The following MALRD1 variants were observed in gnomAD, a reference collection of about 807,000 sequenced individuals.
MALRD1 encodes the protein MAM and LDL-receptor class A domain-containing protein 1.
A neutral mutation model predicts 242.1 loss-of-function variants in MALRD1; 247 were observed. The ratio of observed to expected loss-of-function variants is 1.02; its 90% CI spans 0.92 to 1.13. The LOEUF (loss-of-function observed/expected upper bound fraction) is 1.13. MALRD1 is among the 50% of genes most tolerant of loss of function. The pLI is 0.00. For synonymous variants in MALRD1, 995 were observed against 866.6 expected, an observed-to-expected ratio of 1.15 and a Z score of -2.60; for missense variants, 2,989 against 2,533.1, an observed-to-expected ratio of 1.18 and a Z score of -3.86.
chr10:19,443,417 T>C (rs531431023), intron 28 of MALRD1, among the ~76,000 whole-genome samples: 1 of 152,310 alleles, frequency 6.6e-6, no homozygotes, highest in Non-Finnish European at 1.5e-5. Context: ...AATGTTAGGG[T>C]GTCAATTTTA....
intron 14 of MALRD1, among the ~76,000 whole-genome samples, chr10:19,176,256 C>A (rs1835225878): frequency 6.6e-6 from 1 of 150,850 alleles, no homozygotes. Context: ...ATGGACTAAT[C>A]AAGAAAAATT....
At chr10:19,152,186 A>G (rs1376352512) in intron 11 of MALRD1, among the ~76,000 whole-genome samples, 3 of 152,194 alleles carry the variant, frequency 2.0e-5, no homozygotes, top group South Asian at 4.1e-4. Flanking sequence ...ACTCCTTGCC[A>G]TGACCAGGAA....
intron 21 of MALRD1, among the ~76,000 whole-genome samples, chr10:19,319,562 A>G (rs1842835358): frequency 6.6e-6 from 1 of 152,130 alleles, no homozygotes; most frequent in Non-Finnish European, 1.5e-5. Flanking sequence ...AAAATCTCAT[A>G]AACAAAGAGA....
At chr10:19,351,379 T>C (rs1055049170) in intron 25 of MALRD1, among the ~76,000 whole-genome samples, 44 of 152,258 alleles carry the variant, frequency 2.9e-4, no homozygotes, top group African/African-American at 1.0e-3. Context: ...TCCCTGAAAA[T>C]ACTTTTTATT....
At chr10:19,366,549 C>T (rs1845120580) in intron 26 of MALRD1, among the ~76,000 whole-genome samples, 2 of 152,098 alleles carry the variant, frequency 1.3e-5, no homozygotes, top group Admixed American at 6.6e-5. Context: ...ATGTCTGACT[C>T]CTTTATCTCA....
chr10:19,594,683 G>A (rs1248679132), intron 33 of MALRD1, among the ~76,000 whole-genome samples: 8 of 152,154 alleles, frequency 5.3e-5, no homozygotes, highest in Non-Finnish European at 1.0e-4. Flanking sequence ...GTCTTTTGCA[G>A]CAACTAGGAT....
chr10:19,616,391 A>T (rs1231707562), intron 36 of MALRD1, among the ~76,000 whole-genome samples: 1 of 152,052 alleles, frequency 6.6e-6, no homozygotes, highest in South Asian at 2.1e-4. Flanking sequence ...TAAGGTTTAG[A>T]TAAGAAATAC....
chr10:19,222,258 C>T (rs563792799), intron 18 of MALRD1, among the ~76,000 whole-genome samples: 1 of 152,082 alleles, frequency 6.6e-6, no homozygotes, highest in East Asian at 1.9e-4. Context: ...AGCCCCCTCA[C>T]CCAGACTGTT....
intron 28 of MALRD1, among the ~76,000 whole-genome samples, chr10:19,406,020 A>G (rs942781246): frequency 1.3e-5 from 2 of 152,060 alleles, no homozygotes. Flanking sequence ...TTGAATGTCA[A>G]CTCTGCCGCT....
intron 38 of MALRD1, among the ~76,000 whole-genome samples, chr10:19,704,990 A>G (rs2481933): frequency 0.39 from 59,270 of 151,706 alleles, 12,757 homozygotes; most frequent in South Asian, 0.51. Context: ...CTACAAAAAA[A>G]GAAAGAAAGG....
At chr10:19,145,460 G>A (rs1335241506) in intron 10 of MALRD1, among the ~76,000 whole-genome samples, 6 of 151,956 alleles carry the variant, frequency 3.9e-5, no homozygotes, top group South Asian at 2.1e-4. Flanking sequence ...CCTGGCCAAC[G>A]TAGTGAAACA....
intron 36 of MALRD1, among the ~76,000 whole-genome samples, chr10:19,668,830 A>C (rs1367968252): frequency 1.3e-5 from 2 of 152,212 alleles, no homozygotes; most frequent in African/African-American, 4.8e-5. Flanking sequence ...TTTAAGGGTC[A>C]ATTCAGAGGG....
chr10:19,242,716 G>A (rs1199980069), intron 18 of MALRD1, among the ~76,000 whole-genome samples: 3 of 151,684 alleles, frequency 2.0e-5, no homozygotes, highest in African/African-American at 7.3e-5. Context: ...TTTATTTAAA[G>A]CCTTTTAAAA....
chr10:19,450,350 A>G lies in MALRD1; in HGVS notation c.4889A>G (p.Asn1630Ser). 6.5e-7 allele frequency: 1 copy of G among 1,549,508 alleles called. No homozygotes were observed. The highest frequency in any genetic ancestry group is 1.2e-5 in the South Asian group (1 of 83,998). The change falls in exon 29 of 40, where the codon AAC becomes AGC. Residue 1630 changes from asparagine to serine, a missense_variant. Asn to Ser is a conservative substitution (Grantham distance 46, BLOSUM62 1). Transcript: ENST00000454679. ...LSKVWQESKQ[N>S]PGNHWQKADI... ...AAAGTATGGCAAGAAAGTAAGCAGA[A>G]CCCTGGTAATCATTGGCAAAAGGCT... is the stretch of plus-strand genomic sequence containing the variant.
intron 36 of MALRD1, among the ~76,000 whole-genome samples, chr10:19,656,954 C>T (rs1000102833): frequency 6.6e-6 from 1 of 152,136 alleles, no homozygotes; most frequent in African/African-American, 2.4e-5. Context: ...TTTAGAGGAT[C>T]TAAGAGCATA....
chr10:19,109,304 C>A (rs1037692507), intron 5 of MALRD1, among the ~76,000 whole-genome samples: 1 of 152,064 alleles, frequency 6.6e-6, no homozygotes, highest in Non-Finnish European at 1.5e-5. Flanking sequence ...AAGTGTTGGG[C>A]TGTTTCGTGT....
At chr10:19,645,456 T>C (rs1405502137) in intron 36 of MALRD1, among the ~76,000 whole-genome samples, 3 of 152,140 alleles carry the variant, frequency 2.0e-5, no homozygotes, top group African/African-American at 7.2e-5. Flanking sequence ...CTATTCACAA[T>C]AGCAAAGACT....
At chr10:19,176,723 G>A (rs1211522104) in intron 14 of MALRD1, among the ~76,000 whole-genome samples, 11 of 152,100 alleles carry the variant, frequency 7.2e-5, no homozygotes, top group Non-Finnish European at 1.5e-5. Context: ...TATTCAGAAT[G>A]TGTATCCTGC....
At chr10:19,200,645 G>GT (rs71387053) in intron 14 of MALRD1, among the ~76,000 whole-genome samples, 6,918 of 69,388 alleles carry the variant, frequency 0.1, 1,132 homozygotes, top group Non-Finnish European at 0.12. Context: ...CCTGCTTGAG[G>GT]TTTTTTTTTT....
Sources: allele counts gnomAD v4.1 joint callset (sites outside exome capture counted in the v4.1 genomes callset), GRCh38; gene constraint gnomAD v4.1.1; transcripts MANE v1.5; gene names NCBI Gene and HGNC (gene_info 2026-07-23, HGNC 2026-07-21).